NRXN1: variants seen among roughly 807,000 people sequenced by gnomAD.
The protein encoded by NRXN1 is neurexin 1.
NRXN1 carries 39 observed loss-of-function variants against 150.9 expected under a neutral mutation model. The ratio of observed to expected loss-of-function variants is 0.26; its 90% confidence interval spans 0.20 to 0.34. The LOEUF (loss-of-function observed/expected upper bound fraction) is 0.34. Ranked by LOEUF, NRXN1 falls within the 10% of genes least tolerant of loss-of-function variation. NRXN1 has a pLI of 1.00. For synonymous variants in NRXN1, 924 were observed against 757.0 expected (o/e 1.22, Z -3.62); for missense variants, 1,815 against 1,949.9 (o/e 0.93, Z 1.30).
At chr2:50,399,788 G>T (rs2082278158) in intron 17 of NRXN1, among the ~76,000 whole-genome samples, 1 of 55,022 alleles carries the variant, frequency 1.8e-5, no homozygotes, top group Middle Eastern at 0.026. Flanking sequence ...GAGAGAACTG[G>T]TAAAAAAAAA....
intron 17 of NRXN1, among the ~76,000 whole-genome samples, chr2:50,323,590 T>A (rs1057270488): frequency 6.6e-5 from 10 of 150,870 alleles, no homozygotes; most frequent in Non-Finnish European, 8.8e-5. Context: ...TATATATATA[T>A]ATAACTTAGC....
chr2:50,496,985 G>C (rs774129038), intron 14 of NRXN1, among the ~76,000 whole-genome samples: 7 of 152,020 alleles, frequency 4.6e-5, no homozygotes, highest in Non-Finnish European at 8.8e-5. Flanking sequence ...ATTTAATTTA[G>C]CATAGACTAT....
intron 8 of NRXN1, among the ~76,000 whole-genome samples, chr2:50,606,707 T>A (rs1460206206): frequency 6.6e-6 from 1 of 151,906 alleles, no homozygotes; most frequent in Non-Finnish European, 1.5e-5. Flanking sequence ...AAGCCACCCA[T>A]CAATTTTACA....
intron 5 of NRXN1, among the ~76,000 whole-genome samples, chr2:50,713,827 A>T (rs1315112091): frequency 6.6e-6 from 1 of 152,218 alleles, no homozygotes; most frequent in Non-Finnish European, 1.5e-5. Flanking sequence ...ATAAGCTAAA[A>T]TCAAATGTCA....
At chr2:50,185,268 T>A (rs2060990941) in intron 18 of NRXN1, among the ~76,000 whole-genome samples, 1 of 152,094 alleles carries the variant, frequency 6.6e-6, no homozygotes, top group African/African-American at 2.4e-5. Context: ...TCACTGACAA[T>A]TTCTTTTTTC....
chr2:50,424,132 G>A, intron 17 of NRXN1, among the ~76,000 whole-genome samples: 1 of 129,682 alleles, frequency 7.7e-6, no homozygotes, highest in African/African-American at 2.9e-5. Context: ...GGAGGCGGAG[G>A]AGGAGGAGGA....
Position 50,172,839 on chromosome 2 carries a change from C to T in NRXN1, c.3546+63950G>A, listed in dbSNP as rs546647135. On this transcript the variant is annotated intron_variant, in intron 18 of 22. Transcript: ENST00000401669. ...AAAATTAGCCAGGCGTGGTAGTGGG[C>T]GCCTGTAGTCCCAGCCACTTGGGAG... Among the ~76,000 whole-genome samples, 399 of 152,146 alleles carry T rather than the reference C, an allele frequency of 2.6e-3. 3 individuals are homozygous for T. The highest frequency in any genetic ancestry group is 8.9e-3 in the Admixed American group (136 of 15,260).
chr2:50,865,657 A>ATTTTTTTTTTTTTTT (rs1559368492), intron 5 of NRXN1, among the ~76,000 whole-genome samples: 1 of 39,846 alleles, frequency 2.5e-5, no homozygotes, highest in Non-Finnish European at 8.4e-5. Flanking sequence ...AGCATTTGAA[A>ATTTTTTTTTTTTTTT]GTTTTTTTTT....
intron 17 of NRXN1, among the ~76,000 whole-genome samples, chr2:50,387,320 TG>T (rs1461509221): frequency 6.6e-6 from 1 of 152,018 alleles, no homozygotes; most frequent in Non-Finnish European, 1.5e-5. Flanking sequence ...TCAGGGTGGG[TG>T]GGGTAAATTG....
chr2:50,625,544 G>C (rs1484554729), intron 5 of NRXN1, among the ~76,000 whole-genome samples: 1 of 152,028 alleles, frequency 6.6e-6, no homozygotes, highest in African/African-American at 2.4e-5. Context: ...TGAACACAAT[G>C]GACTTAATTC....
At chr2:50,630,538 T>C (rs4971687) in intron 5 of NRXN1, among the ~76,000 whole-genome samples, 126,230 of 151,332 alleles carry the variant, frequency 0.83, 53,330 homozygotes, top group African/African-American at 0.95. Context: ...ACCGTACATC[T>C]TAAAGACAAG....
intron 21 of NRXN1, among the ~76,000 whole-genome samples, chr2:49,986,478 T>C (rs1488317941): frequency 1.3e-5 from 2 of 152,208 alleles, no homozygotes; most frequent in Admixed American, 6.5e-5. Context: ...TCTTTTAAAT[T>C]AGAAGACTGG....
In NRXN1 at chr2:50,820,554, A is replaced by C. The variant is rs151327684; in HGVS notation, c.832+101315T>G. 1.2e-4 allele frequency among the ~76,000 whole-genome samples: 18 copies of C among 152,274 alleles called. No homozygotes were observed. The East Asian group carries it at 3.5e-3, about 29-fold the overall frequency. On this transcript the variant is annotated intron_variant, in intron 5 of 22. Coordinates refer to ENST00000401669, the MANE Select transcript of NRXN1 (RefSeq NM_001330078.2). Reference sequence around the variant, plus strand: ...GATAATATATTCACAAAGCTCAAAAACTAAAAAGCACAAAAAGATGTGTGC... The same window carrying C: ...GATAATATATTCACAAAGCTCAAAACCTAAAAAGCACAAAAAGATGTGTGC...
chr2:50,626,320 G>A (rs1329511319), intron 5 of NRXN1, among the ~76,000 whole-genome samples: 2 of 151,732 alleles, frequency 1.3e-5, no homozygotes, highest in East Asian at 1.9e-4. Flanking sequence ...AAAAAAAAGA[G>A]TCCCAAATAG....
intron 17 of NRXN1, among the ~76,000 whole-genome samples, chr2:50,273,587 G>A (rs1574866962): frequency 6.6e-6 from 1 of 151,994 alleles, no homozygotes; most frequent in Non-Finnish European, 1.5e-5. Flanking sequence ...AATTGAAGGA[G>A]CTCACTATAT....
At chr2:50,898,712 A>G (rs1682424064) in intron 5 of NRXN1, 2 of 345,412 alleles carry the variant, frequency 5.8e-6, no homozygotes, top group Non-Finnish European at 1.1e-5. Flanking sequence ...AAGCACATTT[A>G]TAATTTATTC....
At chr2:50,050,556 G>A (rs971045640) in intron 21 of NRXN1, among the ~76,000 whole-genome samples, 12 of 151,984 alleles carry the variant, frequency 7.9e-5, no homozygotes, top group Admixed American at 2.6e-4. Context: ...AAAGCAGGCG[G>A]ATATGGCCAC....
intron 17 of NRXN1, among the ~76,000 whole-genome samples, chr2:50,359,450 T>G (rs2153008376): frequency 6.6e-6 from 1 of 151,492 alleles, no homozygotes; most frequent in Non-Finnish European, 1.5e-5. Context: ...GCACGAGAAC[T>G]TCGTGAAGCA....
At chr2:50,490,370 C>T (rs1250414484) in intron 15 of NRXN1, among the ~76,000 whole-genome samples, 3 of 152,154 alleles carry the variant, frequency 2.0e-5, no homozygotes, top group Non-Finnish European at 4.4e-5. Context: ...TTACAGACGG[C>T]CTTCCAACCC....
Sources: allele counts gnomAD v4.1 joint callset (sites outside exome capture counted in the v4.1 genomes callset), GRCh38; gene constraint gnomAD v4.1.1; transcripts MANE v1.5; gene names NCBI Gene and HGNC (gene_info 2026-07-23, HGNC 2026-07-21).